PTPRD: variants seen among roughly 807,000 people sequenced by gnomAD.
PTPRD encodes the protein receptor-type tyrosine-protein phosphatase delta.
In PTPRD, 34 loss-of-function variants were observed where a neutral mutation model predicts 214.5. The observed-to-expected ratio is 0.16, with a 90% CI of 0.12 to 0.21. The LOEUF (loss-of-function observed/expected upper bound fraction) is 0.21, where lower values mean the gene tolerates loss of function less well. PTPRD is among the 10% of genes least tolerant of loss of function. The pLI, the probability that PTPRD is intolerant of heterozygous loss-of-function variation, is 1.00. For synonymous variants in PTPRD, 1,128 were observed against 845.7 expected, an observed-to-expected ratio of 1.33 and a Z score of -5.79; for missense variants, 2,545 against 2,398.7, an observed-to-expected ratio of 1.06 and a Z score of -1.27.
intron 9 of PTPRD, among the ~76,000 whole-genome samples, chr9:9,310,533 C>A (rs1039802528): frequency 3.3e-5 from 5 of 152,084 alleles, no homozygotes; most frequent in African/African-American, 9.7e-5. Context: ...ATGTCTTTAG[C>A]TGAAAAGGCA....
intron 10 of PTPRD, among the ~76,000 whole-genome samples, chr9:9,135,508 G>C (rs1471164618): frequency 6.6e-6 from 1 of 151,812 alleles, no homozygotes; most frequent in Non-Finnish European, 1.5e-5. Context: ...AATTCTCATT[G>C]CAAGAGTTAG....
chr9:9,413,019 T>C (rs999284698), intron 8 of PTPRD, among the ~76,000 whole-genome samples: 2 of 151,730 alleles, frequency 1.3e-5, no homozygotes, highest in Non-Finnish European at 2.9e-5. Context: ...TCCATCTTGA[T>C]GTAGGGTTGT....
At chr9:9,082,669 A>G (rs886135950) in intron 10 of PTPRD, among the ~76,000 whole-genome samples, 3 of 152,150 alleles carry the variant, frequency 2.0e-5, no homozygotes, top group Non-Finnish European at 4.4e-5. Context: ...ATCAGCCCCA[A>G]ATTTCCTTAA....
At chr9:10,095,744 A>G (rs1161160548) in intron 3 of PTPRD, among the ~76,000 whole-genome samples, 1 of 151,582 alleles carries the variant, frequency 6.6e-6, no homozygotes, top group Non-Finnish European at 1.5e-5. Context: ...GTTATTATCA[A>G]TGGCATTAAT....
chr9:8,353,545 G>A (rs540277682), intron 39 of PTPRD, among the ~76,000 whole-genome samples: 1 of 152,112 alleles, frequency 6.6e-6, no homozygotes, highest in African/African-American at 2.4e-5. Context: ...TGATTCTCCT[G>A]CCTCAGCCTC....
At chr9:9,202,885 G>A (rs1372931239) in intron 9 of PTPRD, among the ~76,000 whole-genome samples, 1 of 152,068 alleles carries the variant, frequency 6.6e-6, no homozygotes, top group Non-Finnish European at 1.5e-5. Context: ...CTTAAATGTT[G>A]TTGTTTCTTC....
chr9:10,122,986 C>G (rs1188546485), intron 3 of PTPRD, among the ~76,000 whole-genome samples: 1 of 152,246 alleles, frequency 6.6e-6, no homozygotes, highest in Non-Finnish European at 1.5e-5. Context: ...AACAACTATG[C>G]TTGCCTGAGT....
At chr9:8,617,307 C>T (rs147349259) in intron 14 of PTPRD, among the ~76,000 whole-genome samples, 2 of 152,094 alleles carry the variant, frequency 1.3e-5, no homozygotes, top group East Asian at 1.9e-4. Context: ...GAGGGTTGGT[C>T]GATGAAGCAC....
At chr9:10,579,582 C>A (rs543909927) in intron 2 of PTPRD, among the ~76,000 whole-genome samples, 2 of 152,086 alleles carry the variant, frequency 1.3e-5, no homozygotes, top group South Asian at 2.1e-4. Flanking sequence ...AACATATAAG[C>A]GCATGAGTGT....
chr9:8,918,509 G>A (rs1194881146), intron 11 of PTPRD, among the ~76,000 whole-genome samples: 1 of 152,064 alleles, frequency 6.6e-6, no homozygotes, highest in East Asian at 1.9e-4. Context: ...CCAAATAACA[G>A]CCTCATCTGT....
chr9:10,196,533 T>C (rs1476949599), intron 3 of PTPRD, among the ~76,000 whole-genome samples: 1 of 152,190 alleles, frequency 6.6e-6, no homozygotes, highest in East Asian at 1.9e-4. Flanking sequence ...TATCATTTCC[T>C]ATAAGAAAAG....
chr9:10,612,744 G>A lies in PTPRD; in HGVS notation c.-764C>T, dbSNP rs751587450. 7 of 152,762 alleles carry A rather than the reference G, an allele frequency of 4.6e-5. No individual in the cohort carries two copies. The highest frequency in any genetic ancestry group is 8.8e-5 in the Non-Finnish European group (6 of 68,548). 9.5% of individuals were successfully genotyped at this position (152,762 alleles called of 1,614,324 possible). A position where few individuals can be genotyped will look rare whatever the true frequency, so the allele number is the denominator to read the frequency against. ...CGCCGCGCCGGAGGGGAGGAGGCTC[G>A]GGAGGAGGAGGAGAAAGAGCAGCGG... On this transcript the variant is annotated 5_prime_UTR_variant, in exon 1 of 46. Coordinates refer to ENST00000381196, the MANE Select transcript of PTPRD (RefSeq NM_002839.4).
chr9:8,436,486 A>T, intron 35 of PTPRD, 106 bp downstream of exon 35: 1 of 788,200 alleles, frequency 1.3e-6, no homozygotes, highest in East Asian at 2.7e-5. Context: ...TATTTGAGTC[A>T]TATTTAAAGG....
Position 8,641,178 on chromosome 9 carries a change from G to T in PTPRD, c.65-4334C>A, listed in dbSNP as rs951644494. Among the ~76,000 whole-genome samples, 5 of 148,450 alleles carry T rather than the reference G, an allele frequency of 3.4e-5. 2 individuals carry two copies. Among genetic ancestry groups the T allele is most frequent in the African/African-American group, 1.3e-4 (5 of 37,896 alleles). Reference sequence around the variant, plus strand: ...TCTGAAGATGGGAAGAAAGGGAAGAGAATTCAAGTAAAGCATAAAACAAGG... The same window carrying T: ...TCTGAAGATGGGAAGAAAGGGAAGATAATTCAAGTAAAGCATAAAACAAGG... On this transcript the variant is annotated intron_variant, in intron 12 of 45. Transcript: ENST00000381196.
chr9:9,736,302 T>C (rs1010395716), intron 6 of PTPRD, among the ~76,000 whole-genome samples: 1 of 152,162 alleles, frequency 6.6e-6, no homozygotes, highest in Non-Finnish European at 1.5e-5. Context: ...TCTCTCTCTC[T>C]GTGTACTTCC....
At chr9:9,829,441 G>T (rs996989046) in intron 5 of PTPRD, among the ~76,000 whole-genome samples, 1 of 151,752 alleles carries the variant, frequency 6.6e-6, no homozygotes, top group Non-Finnish European at 1.5e-5. Context: ...ATTTTGTTCT[G>T]ATTTTAATAT....
intron 4 of PTPRD, among the ~76,000 whole-genome samples, chr9:9,950,190 G>T (rs117623669): frequency 0.031 from 4,722 of 152,232 alleles, 118 homozygotes; most frequent in Middle Eastern, 0.051. Flanking sequence ...ACCTGATAAT[G>T]ATTTGTCTTA....
chr9:8,952,636 C>T (rs564169373), intron 11 of PTPRD, among the ~76,000 whole-genome samples: 6 of 151,872 alleles, frequency 4.0e-5, no homozygotes, highest in Non-Finnish European at 8.8e-5. Context: ...ACTAATTCAA[C>T]AGGTTGTAGG....
intron 3 of PTPRD, among the ~76,000 whole-genome samples, chr9:10,186,345 A>AT (rs1005471775): frequency 6.6e-6 from 1 of 152,070 alleles, no homozygotes; most frequent in Admixed American, 6.6e-5. Context: ...TAGATTAAAT[A>AT]TTTTGCAATC....
Sources: allele counts gnomAD v4.1 joint callset (sites outside exome capture counted in the v4.1 genomes callset), GRCh38; gene constraint gnomAD v4.1.1; transcripts MANE v1.5; gene names NCBI Gene and HGNC (gene_info 2026-07-23, HGNC 2026-07-21).